Variants in SOX6 observed in about 807,000 individuals in gnomAD.
SOX6 encodes the protein SRY-box transcription factor 6.
Under a neutral mutation model 97.8 loss-of-function variants are expected in SOX6, and 11 were observed. That is an observed-to-expected ratio of 0.11 (90% confidence interval 0.07 to 0.19). The LOEUF is 0.19. SOX6 is among the 10% of genes least tolerant of loss of function. The pLI, the probability that SOX6 is intolerant of heterozygous loss-of-function variation, is 1.00. For synonymous variants in SOX6, 360 were observed against 371.4 expected, an observed-to-expected ratio of 0.97 and a Z score of 0.35; for missense variants, 810 against 1,039.5, an observed-to-expected ratio of 0.78 and a Z score of 3.04.
At chr11:16,601,957 G>A (rs1848275484) in intron 4 of SOX6, among the ~76,000 whole-genome samples, 1 of 151,950 alleles carries the variant, frequency 6.6e-6, no homozygotes, top group African/African-American at 2.4e-5. Context: ...TGCTACTACT[G>A]AAAAAATGCC....
chr11:16,722,229 T>G (rs1013533986), intron 2 of SOX6, among the ~76,000 whole-genome samples: 13 of 152,066 alleles, frequency 8.5e-5, no homozygotes, highest in Admixed American at 4.6e-4. Context: ...ATAGAATAAG[T>G]AGACAACCTA....
intron 15 of SOX6, among the ~76,000 whole-genome samples, chr11:15,974,378 C>CT (rs35597667): frequency 0.21 from 18,324 of 85,848 alleles, 1,804 homozygotes; most frequent in African/African-American, 0.28. Context: ...TTAGCTCTCT[C>CT]TTTTTTTTTT....
chr11:16,261,360 T>C (rs1482989961), intron 3 of SOX6, among the ~76,000 whole-genome samples: 1 of 152,136 alleles, frequency 6.6e-6, no homozygotes, highest in Non-Finnish European at 1.5e-5. Flanking sequence ...GCACTTAAAT[T>C]TAATACTATG....
At chr11:16,121,734 T>C (rs557107518) in intron 6 of SOX6, among the ~76,000 whole-genome samples, 2 of 152,164 alleles carry the variant, frequency 1.3e-5, no homozygotes, top group Admixed American at 6.5e-5. Context: ...ATAAAATGGA[T>C]GATAAATGTT....
chr11:16,266,874 CAT>C (rs772543100), intron 3 of SOX6, among the ~76,000 whole-genome samples: 24 of 151,334 alleles, frequency 1.6e-4, no homozygotes, highest in Non-Finnish European at 3.0e-4. Context: ...ATATAAAAAA[CAT>C]GAGCAAAATG....
intron 6 of SOX6, among the ~76,000 whole-genome samples, chr11:16,163,098 G>C (rs1301893160): frequency 6.6e-6 from 1 of 151,670 alleles, no homozygotes. Flanking sequence ...TCAGATAAGA[G>C]TATGAAAAAA....
chr11:15,996,080 A>G (rs539994795), intron 13 of SOX6, among the ~76,000 whole-genome samples: 1 of 152,312 alleles, frequency 6.6e-6, no homozygotes, highest in East Asian at 1.9e-4. Context: ...GGATTTCACT[A>G]ATAAACAGCT....
rs1426643093 is a variant in SOX6 at position 16,186,867 on chromosome 11, C to T, written c.624G>A (p.Ala208=). The change falls in exon 5 of 16, where the codon GCG becomes GCA. Residue 208 remains alanine (A), a synonymous_variant. Coordinates refer to ENST00000683767, the MANE Select transcript of SOX6 (RefSeq NM_001367873.1). The stretch of plus-strand genomic sequence containing the variant: ...CTGCCAGTTTTTTCTGTTCATCATG[C>T]GCTGCCAGTAGCTGCTCCCGTAAAC... The part of the protein sequence containing the change: ...LISLREQLLA[A]HDEQKKLAAS... The T allele has an allele frequency of 3.9e-5, 63 of 1,613,796 alleles. No individual in the cohort carries two copies. The highest frequency in any genetic ancestry group is 2.5e-4 in the African/African-American group (19 of 74,962).
intron 2 of SOX6, among the ~76,000 whole-genome samples, chr11:16,340,810 T>A (rs896510606): frequency 1.3e-5 from 2 of 152,102 alleles, no homozygotes; most frequent in Non-Finnish European, 2.9e-5. Context: ...ATTGACCTAA[T>A]AATAAACGTA....
At chr11:16,236,556 A>G (rs534228871) in intron 3 of SOX6, among the ~76,000 whole-genome samples, 2 of 152,170 alleles carry the variant, frequency 1.3e-5, no homozygotes, top group South Asian at 4.1e-4. Flanking sequence ...CACTAAGCTA[A>G]TAATTACTGA....
At chr11:16,422,110 A>G (rs187329209) in intron 1 of SOX6, among the ~76,000 whole-genome samples, 1 of 152,310 alleles carries the variant, frequency 6.6e-6, no homozygotes, top group African/African-American at 2.4e-5. Flanking sequence ...GGACATACGA[A>G]AAAAATAAAA....
intron 9 of SOX6, among the ~76,000 whole-genome samples, chr11:16,094,846 G>A (rs1346167626): frequency 6.6e-6 from 1 of 151,832 alleles, no homozygotes; most frequent in Non-Finnish European, 1.5e-5. Context: ...AAGAAAAGAG[G>A]GAGGCAGTTA....
chr11:16,267,206 T>TA lies in SOX6; in HGVS notation c.446-32536dup, dbSNP rs34063215. On this transcript the variant is annotated intron_variant, in intron 3 of 15. Transcript: ENST00000683767. ...TAGACAAATGGGATTACGTTAAAAT[T>TA]AAAAAAAAACTTCTGCACAACAAAT... is the stretch of plus-strand genomic sequence containing the variant. Among the ~76,000 whole-genome samples, 497 of 150,972 alleles carry TA rather than the reference T, an allele frequency of 3.3e-3. 7 individuals carry two copies. The highest frequency in any genetic ancestry group is 0.011 in the African/African-American group (474 of 41,314).
At chr11:16,499,781 AG>A (rs1319913459) in intron 4 of SOX6, among the ~76,000 whole-genome samples, 1 of 152,234 alleles carries the variant, frequency 6.6e-6, no homozygotes, top group African/African-American at 2.4e-5. Flanking sequence ...ATCTCTGAAT[AG>A]ACCAATAACA....
chr11:16,412,178 C>T (rs576554730), intron 1 of SOX6, among the ~76,000 whole-genome samples: 38 of 152,178 alleles, frequency 2.5e-4, no homozygotes, highest in Admixed American at 2.5e-3. Flanking sequence ...TATATCATCT[C>T]ATTTGCATTT....
chr11:16,423,244 C>T (rs1859054993), intron 1 of SOX6, among the ~76,000 whole-genome samples: 1 of 152,182 alleles, frequency 6.6e-6, no homozygotes, highest in African/African-American at 2.4e-5. Flanking sequence ...TGCCTGGGAG[C>T]TCTTCTTCCA....
intron 3 of SOX6, among the ~76,000 whole-genome samples, chr11:16,246,457 TTTTA>T (rs1853337260): frequency 6.6e-6 from 1 of 152,014 alleles, no homozygotes; most frequent in Admixed American, 6.6e-5. Context: ...TTGTCTGAAC[TTTTA>T]TTTTTCTTTA....
intron 1 of SOX6, among the ~76,000 whole-genome samples, chr11:16,346,539 C>T (rs1856782714): frequency 6.6e-6 from 1 of 151,976 alleles, no homozygotes; most frequent in African/African-American, 2.4e-5. Context: ...TATACAACAC[C>T]ACCACCTCCT....
intron 4 of SOX6, among the ~76,000 whole-genome samples, chr11:16,226,944 T>G (rs1852706475): frequency 6.6e-6 from 1 of 152,162 alleles, no homozygotes; most frequent in East Asian, 1.9e-4. Context: ...ATTCAAAGTC[T>G]TTAAAGAATA....
Sources: allele counts gnomAD v4.1 joint callset (sites outside exome capture counted in the v4.1 genomes callset), GRCh38; gene constraint gnomAD v4.1.1; transcripts MANE v1.5; gene names NCBI Gene and HGNC (gene_info 2026-07-23, HGNC 2026-07-21).